Variants in STS observed in about 807,000 individuals in gnomAD.
STS encodes the protein steryl-sulfatase.
STS carries 7 observed loss-of-function variants against 26.8 expected under a neutral mutation model. The observed-to-expected ratio is 0.26, with a 90% CI of 0.15 to 0.49. STS has a LOEUF of 0.49. STS is among the 20% of genes least tolerant of loss of function. The pLI is 0.98. For missense variants in STS, 434 were observed against 465.6 expected, an observed-to-expected ratio of 0.93 and a Z score of 0.63; for synonymous variants, 199 against 189.4, an observed-to-expected ratio of 1.05 and a Z score of -0.42.
intron 2 of STS, chrX:7,219,501 T>A (rs1176864584): frequency 8.7e-7 from 1 of 1,144,306 alleles, no homozygotes; most frequent in African/African-American, 1.8e-5. Context: ...GACCCAGCTG[T>A]AGTGAGGTTG....
At chrX:7,181,126 T>C (rs1933672482) in intron 1 of STS, among the ~76,000 whole-genome samples, 1 of 112,385 alleles carries the variant, frequency 8.9e-6, no homozygotes, top group Non-Finnish European at 1.9e-5. Context: ...CTTAACCACT[T>C]ACACTTTTAA....
At chrX:7,234,786 A>G (rs1026352734) in intron 2 of STS, among the ~76,000 whole-genome samples, 15 of 112,437 alleles carry the variant, frequency 1.3e-4, no homozygotes, top group African/African-American at 4.8e-4. Flanking sequence ...AGAAAGAAGA[A>G]GTCTTAGGCT....
At chrX:7,210,310 C>T (rs5934678) in intron 2 of STS, among the ~76,000 whole-genome samples, 38,690 of 109,615 alleles carry the variant, frequency 0.35, 5,121 homozygotes, top group East Asian at 0.39. Context: ...TTTTAACAAT[C>T]GCCATTCCGA....
chrX:7,292,151 AGG>A (rs1311011638), intron 7 of STS, among the ~76,000 whole-genome samples: 2 of 113,026 alleles, frequency 1.8e-5, no homozygotes, highest in African/African-American at 6.4e-5. Context: ...AAGCATAGGA[AGG>A]AGAGACGTGA....
intron 8 of STS, among the ~76,000 whole-genome samples, chrX:7,315,406 A>G (rs1164773690): frequency 8.9e-6 from 1 of 111,859 alleles, no homozygotes; most frequent in African/African-American, 3.3e-5. Context: ...AGCTTTGTAA[A>G]TGATTTGGGT....
intron 2 of STS, among the ~76,000 whole-genome samples, chrX:7,242,558 C>A (rs1420443513): frequency 9.1e-6 from 1 of 109,472 alleles, no homozygotes; most frequent in Non-Finnish European, 1.9e-5. Context: ...CGTGATCACG[C>A]CACTGCACTC....
At chrX:7,196,837 A>G (rs1321874733) in intron 2 of STS, among the ~76,000 whole-genome samples, 1 of 111,193 alleles carries the variant, frequency 9.0e-6, no homozygotes, top group Non-Finnish European at 1.9e-5. Context: ...GCCTGTATCC[A>G]TCAAGGTCTC....
At chrX:7,243,216 C>A (rs748689447) in intron 2 of STS, among the ~76,000 whole-genome samples, 2 of 111,632 alleles carry the variant, frequency 1.8e-5, no homozygotes, top group Non-Finnish European at 3.8e-5. Flanking sequence ...GCATGTGCCA[C>A]CACACCCAGC....
intron 1 of STS, among the ~76,000 whole-genome samples, chrX:7,187,154 A>G (rs188145626): frequency 9.3e-4 from 104 of 112,302 alleles, no homozygotes; most frequent in African/African-American, 3.2e-3. Flanking sequence ...TTCCCTTGAC[A>G]TCTAAGTTGC....
At chrX:7,329,699 C>T (rs922241075) in intron 9 of STS, among the ~76,000 whole-genome samples, 2 of 111,909 alleles carry the variant, frequency 1.8e-5, no homozygotes, top group East Asian at 2.8e-4. Context: ...CTTCTTTCTG[C>T]GTTTTGTTTG....
chrX:7,341,636 T>C (rs1404184934), intron 10 of STS, among the ~76,000 whole-genome samples: 2 of 111,749 alleles, frequency 1.8e-5, no homozygotes, highest in African/African-American at 6.5e-5. Context: ...CTGGAGATGG[T>C]GCAGAGCCAT....
chrX:7,347,433 A>ATTCTTAG (rs1928574955), intron 10 of STS, among the ~76,000 whole-genome samples: 1 of 112,060 alleles, frequency 8.9e-6, no homozygotes, highest in African/African-American at 3.2e-5. Flanking sequence ...AGAATAATTA[A>ATTCTTAG]TTCTTAGTTC....
Position 7,336,245 on chromosome X carries a change from C to T in STS, c.1363+2138C>T, listed in dbSNP as rs777277862. On this transcript the variant is annotated intron_variant, in intron 10 of 10. Transcript: ENST00000674429. ...GCTTCTAGAACCTAGGACTGCCCCC[C>T]CCACCCGCCCCAAAGGAGGGGTGTG... Among the ~76,000 whole-genome samples the T allele has an allele frequency of 3.0e-3, 313 of 103,469 alleles. 1 individual carries two copies. The highest frequency in any genetic ancestry group is 4.8e-3 in the Non-Finnish European group (244 of 50,483). 89.9% of individuals were successfully genotyped at this position (103,469 alleles called of 115,157 possible). A position where few individuals can be genotyped will look rare whatever the true frequency, so the allele number is the denominator to read the frequency against.
chrX:7,325,577 G>C (rs1156608532), intron 9 of STS, 79 bp downstream of exon 9: 12 of 1,120,884 alleles, frequency 1.1e-5, no homozygotes, highest in South Asian at 3.7e-5. Flanking sequence ...CTGCATAATG[G>C]TGTGGGGACC....
intron 2 of STS, among the ~76,000 whole-genome samples, chrX:7,200,628 A>G (rs1008346104): frequency 1.8e-5 from 2 of 111,652 alleles, no homozygotes; most frequent in Non-Finnish European, 3.8e-5. Flanking sequence ...AGTGACGGGA[A>G]GGAGATGCCA....
chrX:7,269,517 C>A (rs1477823756), intron 6 of STS, among the ~76,000 whole-genome samples: 3 of 109,748 alleles, frequency 2.7e-5, no homozygotes, highest in Non-Finnish European at 5.7e-5. Flanking sequence ...TGAATTCATT[C>A]TCTGCAGCAC....
At chrX:7,184,744 T>C (rs1933743080) in intron 1 of STS, among the ~76,000 whole-genome samples, 1 of 112,007 alleles carries the variant, frequency 8.9e-6, no homozygotes, top group Non-Finnish European at 1.9e-5. Context: ...CAACATTCAA[T>C]AATCAAACAC....
chrX:7,204,499 C>G (rs1004533132), intron 2 of STS, among the ~76,000 whole-genome samples: 1 of 96,561 alleles, frequency 1.0e-5, no homozygotes, highest in Non-Finnish European at 2.1e-5. Flanking sequence ...CTTCCTTCCT[C>G]CCTCCCTCCT....
intron 3 of STS, among the ~76,000 whole-genome samples, chrX:7,255,630 C>T (rs1923370378): frequency 8.9e-6 from 1 of 111,903 alleles, no homozygotes. Flanking sequence ...TTCTGAATTA[C>T]ATTTTTCATT....
Sources: gnomAD v4.1 joint callset for allele counts (sites outside exome capture counted in the v4.1 genomes callset) on GRCh38, gnomAD v4.1.1 for gene constraint, MANE v1.5 for transcripts, NCBI Gene and HGNC (gene_info 2026-07-23, HGNC 2026-07-21) for gene names.